ZDHHC15: variants seen among roughly 807,000 people sequenced by gnomAD.
The protein encoded by ZDHHC15 is zDHHC palmitoyltransferase 15.
Under a neutral mutation model 31.7 loss-of-function variants are expected in ZDHHC15, and 19 were observed. That is an observed-to-expected ratio of 0.60 (90% confidence interval 0.42 to 0.88). ZDHHC15 has a LOEUF of 0.88. Ranked by LOEUF, ZDHHC15 falls within the 40% of genes least tolerant of loss-of-function variation. ZDHHC15 has a pLI of 0.00. For synonymous variants in ZDHHC15, 103 were observed against 90.0 expected (o/e 1.14, Z -0.82); for missense variants, 209 against 251.2 (o/e 0.83, Z 1.14).
chrX:75,456,390 A>C (rs1301706791), intron 3 of ZDHHC15, among the ~76,000 whole-genome samples: 1 of 109,813 alleles, frequency 9.1e-6, no homozygotes, highest in East Asian at 2.9e-4. Context: ...CATTAGGAGA[A>C]ATACCTAATG....
intron 10 of ZDHHC15, among the ~76,000 whole-genome samples, chrX:75,398,178 C>T (rs1471675180): frequency 8.9e-6 from 1 of 112,324 alleles, no homozygotes; most frequent in Non-Finnish European, 1.9e-5. Context: ...AGCAGCATTG[C>T]ACTTCCCTAA....
chrX:75,374,081 T>C lies in ZDHHC15; in HGVS notation c.*33-1136A>G, dbSNP rs888474532. Among the ~76,000 whole-genome samples, 16 of 108,909 alleles carry C rather than the reference T, an allele frequency of 1.5e-4. No homozygotes were observed. In the East Asian group the frequency reaches 4.0e-3, roughly 27 times the overall value. 94.6% of individuals were successfully genotyped at this position (108,909 alleles called of 115,157 possible). ...TTAATTTTTAGCTTCCACAGATAAGTGGACATAGATGAAGCTGGAAACCAT... is the reference window on the plus strand; with the variant it reads ...TTAATTTTTAGCTTCCACAGATAAGCGGACATAGATGAAGCTGGAAACCAT... On this transcript the variant is annotated intron_variant, in intron 11 of 11. Coordinates refer to ENST00000373367, the MANE Select transcript of ZDHHC15 (RefSeq NM_144969.3).
intron 4 of ZDHHC15, among the ~76,000 whole-genome samples, chrX:75,436,072 C>T (rs373178745): frequency 1.2e-4 from 13 of 111,288 alleles, no homozygotes; most frequent in African/African-American, 4.2e-4. Context: ...TAATCTAGCA[C>T]AGTTGTATAT....
At chrX:75,507,196 C>T (rs1286204696) in intron 1 of ZDHHC15, among the ~76,000 whole-genome samples, 2 of 111,272 alleles carry the variant, frequency 1.8e-5, no homozygotes, top group South Asian at 3.8e-4. Context: ...ATAATGACAA[C>T]GATAATGACG....
intron 4 of ZDHHC15, among the ~76,000 whole-genome samples, chrX:75,446,012 A>C (rs2084028933): frequency 1.8e-5 from 2 of 111,099 alleles, no homozygotes; most frequent in Admixed American, 1.9e-4. Flanking sequence ...ATAAGAATCA[A>C]GTCCTAACAG....
chrX:75,382,456 T>C (rs879045679), intron 10 of ZDHHC15, among the ~76,000 whole-genome samples: 4 of 111,335 alleles, frequency 3.6e-5, no homozygotes, highest in Admixed American at 9.5e-5. Flanking sequence ...CCCAAAGGAG[T>C]ACCCTTCTAT....
At chrX:75,519,500 T>C (rs1179540325) in intron 1 of ZDHHC15, among the ~76,000 whole-genome samples, 2 of 111,663 alleles carry the variant, frequency 1.8e-5, no homozygotes, top group Non-Finnish European at 3.8e-5. Flanking sequence ...AGAGTGAAGT[T>C]ACTTGCCCCA....
At chrX:75,487,303 G>A (rs753331042) in intron 2 of ZDHHC15, among the ~76,000 whole-genome samples, 3 of 112,478 alleles carry the variant, frequency 2.7e-5, no homozygotes, top group Non-Finnish European at 3.8e-5. Flanking sequence ...CTCCAGTGGA[G>A]CAGGTGCTGG....
intron 3 of ZDHHC15, among the ~76,000 whole-genome samples, chrX:75,469,938 G>C (rs1239490447): frequency 1.8e-5 from 2 of 111,247 alleles, no homozygotes; most frequent in African/African-American, 6.6e-5. Flanking sequence ...TTTAATAAAG[G>C]GTGTGAGGTG....
intron 10 of ZDHHC15, 93 bp from the exon 11 acceptor site, chrX:75,379,291 C>G: frequency 1.1e-6 from 1 of 932,673 alleles, no homozygotes; most frequent in Non-Finnish European, 1.5e-6. Context: ...TGTTCAATCT[C>G]TGCAGGCAAC....
At chrX:75,497,980 C>A (rs780893283) in intron 2 of ZDHHC15, among the ~76,000 whole-genome samples, 1 of 103,761 alleles carries the variant, frequency 9.6e-6, no homozygotes, top group South Asian at 4.6e-4. Flanking sequence ...GTTGCCCAGG[C>A]TGCAGTGCAA....
chrX:75,387,837 G>A (rs966580275), intron 10 of ZDHHC15, among the ~76,000 whole-genome samples: 2 of 112,021 alleles, frequency 1.8e-5, no homozygotes, highest in Non-Finnish European at 3.8e-5. Context: ...AACCAAAATC[G>A]TCTACCTCAA....
At chrX:75,378,913 T>A (rs2083086706) in intron 11 of ZDHHC15, among the ~76,000 whole-genome samples, 2 of 111,497 alleles carry the variant, frequency 1.8e-5, no homozygotes, top group Admixed American at 9.5e-5. Flanking sequence ...TAAGTGTGAG[T>A]TTGCAGGGAA....
At chrX:75,467,003 A>G (rs2084417275) in intron 3 of ZDHHC15, among the ~76,000 whole-genome samples, 1 of 111,837 alleles carries the variant, frequency 8.9e-6, no homozygotes, top group Non-Finnish European at 1.9e-5. Context: ...ATTTACCTGT[A>G]TAACAAATCT....
intron 3 of ZDHHC15, among the ~76,000 whole-genome samples, chrX:75,471,655 G>A (rs2147959660): frequency 8.9e-6 from 1 of 111,949 alleles, no homozygotes; most frequent in African/African-American, 3.2e-5. Context: ...CCCATTTATC[G>A]AGTGACCGAA....
At chrX:75,452,465 T>C (rs760935197) in intron 3 of ZDHHC15, among the ~76,000 whole-genome samples, 16 of 110,982 alleles carry the variant, frequency 1.4e-4, no homozygotes, top group African/African-American at 4.9e-4. Context: ...CCACTGTCAA[T>C]ATTAGACAGA....
rs2082981105 is a variant in ZDHHC15 at position 75,368,875 on chromosome X, G to T, written c.*4103C>A. On this transcript the variant is annotated 3_prime_UTR_variant, in exon 12 of 12. Coordinates refer to ENST00000373367, the MANE Select transcript of ZDHHC15 (RefSeq NM_144969.3). ...GGTTTTGAACACTGTGCAGGACACA[G>T]ACCTAACCCTTTTAGGGAAGTAAAC... is the stretch of plus-strand genomic sequence containing the variant. 8.9e-6 allele frequency: 1 copy of T among 111,759 alleles called. No individual in the cohort carries two copies. The highest frequency in any genetic ancestry group is 3.3e-5 in the African/African-American group (1 of 30,691). The allele number at this position is 111,759 out of a possible 1,213,427, so 9.2% of individuals were successfully genotyped here.
chrX:75,450,754 T>G (rs2084104703), intron 4 of ZDHHC15, 48 bp downstream of exon 4: 1 of 1,209,968 alleles, frequency 8.3e-7, no homozygotes, highest in African/African-American at 1.7e-5. Flanking sequence ...TTAGCCTTTC[T>G]GAGATACTTG....
rs766091894 is a variant in ZDHHC15, at chrX:75,369,735, G to A, written c.*3243C>T. 14 of 111,794 alleles carry A rather than the reference G, an allele frequency of 1.3e-4. No homozygotes were observed. The highest frequency in any genetic ancestry group is 1.9e-4 in the Non-Finnish European group (10 of 53,176). 9.2% of individuals were successfully genotyped at this position (111,794 alleles called of 1,213,427 possible). Reference sequence around the variant, plus strand: ...TCTTATCACATAGAAAGTAAGAGTTGTACAAATTGCATACTTTTCAGATTT... The same window carrying A: ...TCTTATCACATAGAAAGTAAGAGTTATACAAATTGCATACTTTTCAGATTT... On this transcript the variant is annotated 3_prime_UTR_variant, in exon 12 of 12. Transcript: ENST00000373367.
Sources: allele counts gnomAD v4.1 joint callset (sites outside exome capture counted in the v4.1 genomes callset), GRCh38; gene constraint gnomAD v4.1.1; transcripts MANE v1.5; gene names NCBI Gene and HGNC (gene_info 2026-07-23, HGNC 2026-07-21).